CAMK4: variants seen among roughly 807,000 people sequenced by gnomAD.
CAMK4 encodes the protein calcium/calmodulin-dependent protein kinase type IV.
Under a neutral mutation model 44.9 loss-of-function variants are expected in CAMK4, and 22 were observed. The ratio of observed to expected loss-of-function variants is 0.49; its 90% CI spans 0.35 to 0.70. The LOEUF (loss-of-function observed/expected upper bound fraction) is 0.70. Ranked by LOEUF, CAMK4 falls within the 30% of genes least tolerant of loss-of-function variation. The pLI, the probability that CAMK4 is intolerant of heterozygous loss-of-function variation, is 0.01. For missense variants in CAMK4, 498 were observed against 586.8 expected, an observed-to-expected ratio of 0.85 and a Z score of 1.56; for synonymous variants, 218 against 215.4, an observed-to-expected ratio of 1.01 and a Z score of -0.11.
rs1226601077 is a variant in CAMK4, at chr5:111,411,556, G to A, written c.459+16774G>A. On this transcript the variant is annotated intron_variant, in intron 5 of 10. Coordinates refer to ENST00000282356, the MANE Select transcript of CAMK4 (RefSeq NM_001744.6). ...CCACTGTGCATCCAAACCACAACCT[G>A]ATAGGAAATTGCTGGAGGCTGGAAA... Among the ~76,000 whole-genome samples the A allele has an allele frequency of 2.0e-5, 3 of 152,338 alleles. No individual in the cohort carries two copies. The East Asian group carries it at 5.8e-4, about 29-fold the overall frequency.
chr5:111,427,417 C>T (rs1375404532), intron 5 of CAMK4, among the ~76,000 whole-genome samples: 3 of 152,192 alleles, frequency 2.0e-5, no homozygotes, highest in Non-Finnish European at 4.4e-5. Flanking sequence ...CCACCACCAC[C>T]TCAGCGGGGG....
intron 2 of CAMK4, among the ~76,000 whole-genome samples, chr5:111,351,930 A>G (rs1215509274): frequency 2.0e-5 from 3 of 152,056 alleles, no homozygotes; most frequent in Non-Finnish European, 2.9e-5. Context: ...GTGTTTGATG[A>G]GGGCACTCTT....
Position 111,482,628 on chromosome 5 carries a change from T to C in CAMK4, c.829-157T>C, listed in dbSNP as rs1483493656. 9.5e-6 allele frequency: 5 copies of C among 524,904 alleles called. No individual in the cohort carries two copies. Among genetic ancestry groups the C allele is most frequent in the African/African-American group, 7.9e-5 (4 of 50,680 alleles). The allele number at this position is 524,904 out of a possible 1,614,324, so 32.5% of individuals were successfully genotyped here. ...AGCTACTGCTACCTGAAGCTGTGCC[T>C]ACCTACAGTGGCCCCTGAGGACTTA... On this transcript the variant is annotated intron_variant, in intron 9 of 10. Coordinates refer to ENST00000282356, the MANE Select transcript of CAMK4 (RefSeq NM_001744.6). This position sits in a 1 kb window ranked among gnomAD's most constrained non-coding sequence, Gnocchi z 4.9.
chr5:111,229,541 A>T (rs1488870046), intron 1 of CAMK4, among the ~76,000 whole-genome samples: 1 of 152,252 alleles, frequency 6.6e-6, no homozygotes, highest in Non-Finnish European at 1.5e-5. Context: ...CTGCTGAAGA[A>T]ACAGATTCTC....
At chr5:111,326,660 C>G (rs957329) in intron 1 of CAMK4, among the ~76,000 whole-genome samples, 62,611 of 145,994 alleles carry the variant, frequency 0.43, 13,610 homozygotes, top group South Asian at 0.57. Flanking sequence ...GCGTGTCTCT[C>G]TGTGTGTGTG....
chr5:111,465,285 C>A (rs974441860), intron 7 of CAMK4, among the ~76,000 whole-genome samples: 1 of 151,392 alleles, frequency 6.6e-6, no homozygotes, highest in African/African-American at 2.4e-5. Flanking sequence ...AAGGTCAAAC[C>A]CCAAGGAACT....
chr5:111,342,159 G>A (rs181310324), intron 1 of CAMK4, among the ~76,000 whole-genome samples: 3 of 151,278 alleles, frequency 2.0e-5, no homozygotes, highest in Non-Finnish European at 3.0e-5. Context: ...CTGTTCTGTT[G>A]TTCTGTAATC....
chr5:111,404,300 A>C (rs143986464), intron 5 of CAMK4, among the ~76,000 whole-genome samples: 1 of 152,238 alleles, frequency 6.6e-6, no homozygotes, highest in East Asian at 1.9e-4. Flanking sequence ...CACTTGGGAC[A>C]CAAGGACACT....
At chr5:111,291,545 G>C (rs1747258416) in intron 1 of CAMK4, among the ~76,000 whole-genome samples, 1 of 152,114 alleles carries the variant, frequency 6.6e-6, no homozygotes, top group Non-Finnish European at 1.5e-5. Flanking sequence ...TAGAGACAGG[G>C]TCTTACTCTG....
At chr5:111,448,101 C>T (rs1754091305) in intron 6 of CAMK4, among the ~76,000 whole-genome samples, 1 of 152,200 alleles carries the variant, frequency 6.6e-6, no homozygotes, top group Non-Finnish European at 1.5e-5. Context: ...ACCTGCCTCT[C>T]TTGAAGAATG....
chr5:111,327,421 G>T (rs1172227476), intron 1 of CAMK4, among the ~76,000 whole-genome samples: 9 of 152,124 alleles, frequency 5.9e-5, no homozygotes, highest in Non-Finnish European at 8.8e-5. Flanking sequence ...TGGGACATTT[G>T]GGTTGGTTCC....
At chr5:111,483,083 C>A in intron 10 of CAMK4, 146 bp downstream of exon 10, 2 of 635,274 alleles carry the variant, frequency 3.1e-6, no homozygotes, top group Non-Finnish European at 4.9e-6. Context: ...TTTGAAACTC[C>A]AATAAGGCTG....
intron 5 of CAMK4, among the ~76,000 whole-genome samples, chr5:111,402,075 C>T (rs1752248201): frequency 6.6e-6 from 1 of 152,188 alleles, no homozygotes; most frequent in African/African-American, 2.4e-5. Flanking sequence ...TGAAAGAGTG[C>T]TTCCAGAGAG....
In CAMK4 at chr5:111,486,448, A is replaced by T. The variant is rs942781740; in HGVS notation, c.*1982A>T. 1 of 151,506 alleles carries T rather than the reference A, an allele frequency of 6.6e-6. No homozygotes were observed. Among genetic ancestry groups the T allele is most frequent in the African/African-American group, 2.4e-5 (1 of 41,168 alleles). The allele number at this position is 151,506 out of a possible 1,614,324, so 9.4% of individuals were successfully genotyped here. On this transcript the variant is annotated 3_prime_UTR_variant, in exon 11 of 11. Transcript: ENST00000282356. ...AATGTCTTCTTTGTTAAGCATTAAG[A>T]TTTCCATTTAAGAGGATCAATTTCC...
intron 1 of CAMK4, among the ~76,000 whole-genome samples, chr5:111,309,370 T>A (rs1748101502): frequency 2.0e-5 from 3 of 152,120 alleles, no homozygotes; most frequent in Admixed American, 2.0e-4. Context: ...TGTGCATTTG[T>A]GGTGGGAACC....
chr5:111,371,521 G>A (rs540487739), intron 2 of CAMK4, among the ~76,000 whole-genome samples: 9 of 152,160 alleles, frequency 5.9e-5, no homozygotes, highest in Admixed American at 3.3e-4. Context: ...ACCATATTTC[G>A]TTTGTTTTTT....
At chr5:111,467,081 C>A (rs759564489) in intron 7 of CAMK4, among the ~76,000 whole-genome samples, 1 of 151,690 alleles carries the variant, frequency 6.6e-6, no homozygotes, top group African/African-American at 2.4e-5. Flanking sequence ...AAAAACAAAG[C>A]GGGGAAAGGA....
intron 5 of CAMK4, among the ~76,000 whole-genome samples, chr5:111,445,385 G>C (rs1753989656): frequency 6.6e-6 from 1 of 151,998 alleles, no homozygotes; most frequent in Admixed American, 6.6e-5. Flanking sequence ...ATTACCTTGT[G>C]TATATACATA....
At chr5:111,382,122 A>G (rs1398037762) in intron 4 of CAMK4, among the ~76,000 whole-genome samples, 1 of 152,154 alleles carries the variant, frequency 6.6e-6, no homozygotes, top group Non-Finnish European at 1.5e-5. Context: ...AAACCTATGT[A>G]TCTATATAGC....
Sources: gnomAD v4.1 joint callset for allele counts (sites outside exome capture counted in the v4.1 genomes callset) on GRCh38, gnomAD v4.1.1 for gene constraint, Gnocchi (gnomAD v3.1) non-coding constraint, MANE v1.5 for transcripts, NCBI Gene and HGNC (gene_info 2026-07-23, HGNC 2026-07-21) for gene names.